Variants in NRXN3 observed in about 807,000 individuals in gnomAD.
NRXN3 encodes neurexin III.
Under a neutral mutation model 137.6 loss-of-function variants are expected in NRXN3, and 32 were observed. That is an observed-to-expected ratio of 0.23 (90% CI 0.18 to 0.31). The LOEUF (loss-of-function observed/expected upper bound fraction) is 0.31, where lower values mean the gene tolerates loss of function less well. NRXN3 is among the 10% of genes least tolerant of loss of function. The pLI is 1.00. For missense variants in NRXN3, 1,574 were observed against 2,062.5 expected (o/e 0.76, Z 4.59); for synonymous variants, 798 against 784.5 (o/e 1.02, Z -0.29).
chr14:78,508,341 A>T (rs555119544), intron 4 of NRXN3, among the ~76,000 whole-genome samples: 2 of 152,352 alleles, frequency 1.3e-5, no homozygotes, highest in Non-Finnish European at 2.9e-5. Context: ...CCATTATGGT[A>T]TATAATCACA....
At chr14:78,375,460 C>T (rs1247989396) in intron 4 of NRXN3, among the ~76,000 whole-genome samples, 1 of 152,078 alleles carries the variant, frequency 6.6e-6, no homozygotes, top group African/African-American at 2.4e-5. Context: ...TGGATACTTT[C>T]TAGTTTGTCA....
chr14:79,652,562 A>AAATT (rs2098482171), intron 16 of NRXN3, among the ~76,000 whole-genome samples: 1 of 152,184 alleles, frequency 6.6e-6, no homozygotes, highest in Admixed American at 6.6e-5. Flanking sequence ...GAATTCAAGT[A>AAATT]AATTAAAATT....
chr14:79,428,261 C>T (rs532652613), intron 15 of NRXN3, among the ~76,000 whole-genome samples: 4 of 152,136 alleles, frequency 2.6e-5, no homozygotes, highest in South Asian at 2.1e-4. Flanking sequence ...GTAAAGTCGT[C>T]GTATGTTTTG....
chr14:78,875,603 G>T (rs1018982963), intron 10 of NRXN3, among the ~76,000 whole-genome samples: 8 of 152,098 alleles, frequency 5.3e-5, no homozygotes, highest in African/African-American at 1.9e-4. Flanking sequence ...CTCTCCATTT[G>T]AATACCATTT....
At chr14:79,706,780 G>A (rs2098781735) in intron 19 of NRXN3, among the ~76,000 whole-genome samples, 1 of 152,156 alleles carries the variant, frequency 6.6e-6, no homozygotes. Context: ...CATTGCTATA[G>A]ATTAGGTGTA....
At chr14:78,541,518 T>A (rs1306548385) in intron 4 of NRXN3, among the ~76,000 whole-genome samples, 3 of 152,204 alleles carry the variant, frequency 2.0e-5, no homozygotes, top group Non-Finnish European at 4.4e-5. Flanking sequence ...ATTCATGTAA[T>A]ATTTTTTCAA....
chr14:78,270,722 T>C (rs2072582947), intron 2 of NRXN3, among the ~76,000 whole-genome samples: 1 of 152,260 alleles, frequency 6.6e-6, no homozygotes, highest in Non-Finnish European at 1.5e-5. Context: ...GCTGAACAAC[T>C]TTATATGGAT....
chr14:79,768,605 C>T (rs2099065002), intron 19 of NRXN3, among the ~76,000 whole-genome samples: 1 of 152,168 alleles, frequency 6.6e-6, no homozygotes, highest in African/African-American at 2.4e-5. Flanking sequence ...AGGACATCCA[C>T]ACCAAAAACC....
chr14:78,298,076 A>G (rs2076525029), intron 4 of NRXN3, among the ~76,000 whole-genome samples: 1 of 152,164 alleles, frequency 6.6e-6, no homozygotes, highest in African/African-American at 2.4e-5. Flanking sequence ...TGGCTTCTCC[A>G]TTCTCCACCA....
intron 1 of NRXN3, among the ~76,000 whole-genome samples, chr14:78,172,946 T>A (rs943173991): frequency 1.3e-5 from 2 of 152,176 alleles, no homozygotes; most frequent in Non-Finnish European, 2.9e-5. Flanking sequence ...TTCATTTTAG[T>A]GCTGCGTTTC....
intron 4 of NRXN3, among the ~76,000 whole-genome samples, chr14:78,549,075 C>T (rs1048229537): frequency 3.9e-5 from 6 of 152,106 alleles, no homozygotes; most frequent in Non-Finnish European, 5.9e-5. Flanking sequence ...AAATAGCGAG[C>T]GAAGATTTGA....
At chr14:79,543,582 G>A (rs1453057739) in intron 16 of NRXN3, among the ~76,000 whole-genome samples, 1 of 152,182 alleles carries the variant, frequency 6.6e-6, no homozygotes, top group African/African-American at 2.4e-5. Flanking sequence ...GAACTGGAGA[G>A]TCGGCTGTAT....
intron 8 of NRXN3, among the ~76,000 whole-genome samples, chr14:78,778,157 T>C (rs2098750847): frequency 6.6e-6 from 1 of 152,254 alleles, no homozygotes; most frequent in South Asian, 2.1e-4. Context: ...TAAGATGTCA[T>C]GTTCTCTGAC....
chr14:79,655,070 T>C (rs1406929263), intron 16 of NRXN3, among the ~76,000 whole-genome samples: 1 of 152,196 alleles, frequency 6.6e-6, no homozygotes, highest in Non-Finnish European at 1.5e-5. Flanking sequence ...CTTTGCATCC[T>C]GTTCAGAGCT....
chr14:78,447,458 TA>T (rs1254835288), intron 4 of NRXN3, among the ~76,000 whole-genome samples: 2 of 152,212 alleles, frequency 1.3e-5, no homozygotes, highest in African/African-American at 4.8e-5. Context: ...ATAACTTTTT[TA>T]ATATGTTGTT....
chr14:78,906,695 G>C (rs1156698615), intron 10 of NRXN3, among the ~76,000 whole-genome samples: 3 of 151,986 alleles, frequency 2.0e-5, no homozygotes, highest in African/African-American at 7.2e-5. Context: ...AAATTGAGCT[G>C]GTTTCAAAGA....
At chr14:78,880,442 T>TAGG (rs1224815471) in intron 10 of NRXN3, among the ~76,000 whole-genome samples, 1 of 151,930 alleles carries the variant, frequency 6.6e-6, no homozygotes. Flanking sequence ...GGCCTCCCAA[T>TAGG]AGGATCTGAA....
At chr14:79,027,244 A>C (rs1374191738) in intron 15 of NRXN3, among the ~76,000 whole-genome samples, 1 of 151,886 alleles carries the variant, frequency 6.6e-6, no homozygotes, top group African/African-American at 2.4e-5. Context: ...GAGGAATAGT[A>C]AGCAAGTGAT....
intron 15 of NRXN3, among the ~76,000 whole-genome samples, chr14:79,091,470 C>T (rs934620200): frequency 6.6e-6 from 1 of 152,086 alleles, no homozygotes; most frequent in Non-Finnish European, 1.5e-5. Flanking sequence ...TTTTTCCCAC[C>T]CCTTTCCCTA....
Sources: gnomAD v4.1 joint callset for allele counts (sites outside exome capture counted in the v4.1 genomes callset) on GRCh38, gnomAD v4.1.1 for gene constraint, MANE v1.5 for transcripts, NCBI Gene and HGNC (gene_info 2026-07-23, HGNC 2026-07-21) for gene names.